The following CD8B2 variants were observed in gnomAD, a reference collection of about 807,000 sequenced individuals.
CD8B2 encodes T-cell surface glycoprotein CD8 beta-2 chain.
In CD8B2, 11 loss-of-function variants were observed where a neutral mutation model predicts 23.7. The observed-to-expected ratio is 0.46, with a 90% CI of 0.29 to 0.77. The LOEUF is 0.77. Ranked by LOEUF, CD8B2 falls within the 30% of genes least tolerant of loss-of-function variation. CD8B2 has a pLI of 0.09. For missense variants in CD8B2, 197 were observed against 270.5 expected (o/e 0.73, Z 1.91); for synonymous variants, 90 against 109.3 (o/e 0.82, Z 1.10).
downstream of CD8B2, among the ~76,000 whole-genome samples, chr2:106,513,981 C>T (rs7595161): frequency 0.99 from 148,423 of 150,360 alleles, 73,285 homozygotes; most frequent in South Asian, 1. Flanking sequence ...TTTTGTGGGC[C>T]CTGCTCAAAG....
chr2:106,501,901 C>T (rs1044658798), intron 3 of CD8B2, among the ~76,000 whole-genome samples: 4 of 152,096 alleles, frequency 2.6e-5, no homozygotes, highest in African/African-American at 4.8e-5. Context: ...TAGTAAAAGA[C>T]TCATTACCAG....
chr2:106,491,092 G>A lies in CD8B2; in HGVS notation c.262G>A (p.Glu88Lys). 6.2e-7 allele frequency: 1 copy of A among 1,613,928 alleles called. No individual in the cohort carries two copies. Among genetic ancestry groups the A allele is most frequent in the South Asian group, 1.1e-5 (1 of 91,064 alleles). Residue 88 changes from glutamate (E) to lysine (K), a missense_variant, in exon 2 of 6, where the codon GAG becomes AAG. This residue lies in a region of CD8B2 where 140 missense variants were observed against 164.2 expected (regional missense o/e 0.85). Transcript: ENST00000643224. The part of the protein sequence containing the change: ...GTIHGEEVEQ[E>K]KIAVFRDASR... ...TATCCACGGTGAAGAGGTGGAACAG[G>A]AGAAGATAGCTGTGTTTCGGGATGC...
At chr2:106,501,543 A>G (rs1679404274) in intron 3 of CD8B2, among the ~76,000 whole-genome samples, 1 of 152,104 alleles carries the variant, frequency 6.6e-6, no homozygotes, top group Non-Finnish European at 1.5e-5. Flanking sequence ...TTAGCCAGGC[A>G]TGACGGCGGA....
At chr2:106,496,768 G>A (rs1222611854) in intron 3 of CD8B2, among the ~76,000 whole-genome samples, 5 of 151,754 alleles carry the variant, frequency 3.3e-5, no homozygotes, top group Non-Finnish European at 7.4e-5. Flanking sequence ...GCTTGGGAAA[G>A]AAATGGGGAG....
chr2:106,511,925 G>T (rs1490483557), downstream of CD8B2, among the ~76,000 whole-genome samples: 1 of 152,186 alleles, frequency 6.6e-6, no homozygotes, highest in African/African-American at 2.4e-5. Flanking sequence ...AAGCAGAGGC[G>T]CTGAAAAAGA....
intron 2 of CD8B2, among the ~76,000 whole-genome samples, chr2:106,495,340 G>A (rs1049784256): frequency 6.6e-6 from 1 of 152,050 alleles, no homozygotes; most frequent in Non-Finnish European, 1.5e-5. Flanking sequence ...GGCCCACATG[G>A]TGAAACCCCG....
chr2:106,532,149 G>A (rs372187111), intron 5 of CD8B2, among the ~76,000 whole-genome samples: 8 of 152,250 alleles, frequency 5.3e-5, no homozygotes, highest in South Asian at 2.1e-4. Context: ...AATATTTCCC[G>A]GAGTTTGTAT....
intron 3 of CD8B2, among the ~76,000 whole-genome samples, chr2:106,500,283 C>G (rs1230744730): frequency 2.2e-5 from 3 of 138,308 alleles, no homozygotes; most frequent in African/African-American, 8.0e-5. Context: ...CTTTGGGAGG[C>G]CAAGGCAGGT....
At chr2:106,532,701 T>A (rs1680006393) in intron 5 of CD8B2, among the ~76,000 whole-genome samples, 1 of 152,208 alleles carries the variant, frequency 6.6e-6, no homozygotes, top group Non-Finnish European at 1.5e-5. Context: ...GGCATTGCCA[T>A]GGCATCTGTA....
At chr2:106,519,794 A>T (rs112740678) in intron 5 of CD8B2, among the ~76,000 whole-genome samples, 1 of 152,202 alleles carries the variant, frequency 6.6e-6, no homozygotes, top group Non-Finnish European at 1.5e-5. Flanking sequence ...AAAAGAAAAA[A>T]ATTGCAAAAT....
intron 3 of CD8B2, among the ~76,000 whole-genome samples, chr2:106,497,038 G>T (rs1169831314): frequency 4.6e-5 from 7 of 152,208 alleles, no homozygotes; most frequent in African/African-American, 1.7e-4. Flanking sequence ...ACTTTGGGAG[G>T]CCCAGATGGG....
intron 1 of CD8B2, 149 bp downstream of exon 1, chr2:106,487,618 G>T: frequency 2.4e-6 from 1 of 415,626 alleles, no homozygotes; most frequent in Non-Finnish European, 4.1e-6. Flanking sequence ...TGGCAGGCAG[G>T]GTCCCTAAGG....
chr2:106,541,446 C>T (rs901038500), intron 5 of CD8B2, among the ~76,000 whole-genome samples: 1 of 152,124 alleles, frequency 6.6e-6, no homozygotes, highest in Non-Finnish European at 1.5e-5. Context: ...TATTGGCTGT[C>T]AGAACTTGGG....
intron 5 of CD8B2, among the ~76,000 whole-genome samples, chr2:106,521,023 G>GGAGAGA (rs70953586): frequency 3.2e-4 from 42 of 130,470 alleles, no homozygotes; most frequent in East Asian, 1.8e-3. Flanking sequence ...ATGTTTTAAG[G>GGAGAGA]GAGAGAGAGA....
chr2:106,534,787 T>C (rs1184427489), intron 5 of CD8B2, among the ~76,000 whole-genome samples: 2 of 151,244 alleles, frequency 1.3e-5, no homozygotes, highest in African/African-American at 4.9e-5. Context: ...GAAGAGAATA[T>C]ATATTTTTAA....
At chr2:106,514,600 T>C (rs1258777044), downstream of CD8B2, among the ~76,000 whole-genome samples, 4 of 151,786 alleles carry the variant, frequency 2.6e-5, no homozygotes, top group Non-Finnish European at 5.9e-5. Context: ...AACGTCTGTC[T>C]TATAAATTTT....
intron 5 of CD8B2, among the ~76,000 whole-genome samples, chr2:106,539,241 G>T (rs144265787): frequency 1.8e-4 from 27 of 152,286 alleles, no homozygotes; most frequent in African/African-American, 6.3e-4. Flanking sequence ...GACCTCCTGT[G>T]TCTCTTCACC....
chr2:106,503,791 A>G (rs988644670), intron 4 of CD8B2, among the ~76,000 whole-genome samples: 1 of 152,168 alleles, frequency 6.6e-6, no homozygotes, highest in African/African-American at 2.4e-5. Flanking sequence ...GAAAATCAAA[A>G]GTAATAAAGG....
intron 3 of CD8B2, among the ~76,000 whole-genome samples, 200 bp from the exon 4 acceptor site, chr2:106,502,274 G>A (rs1277416862): frequency 1.7e-5 from 2 of 120,802 alleles, no homozygotes; most frequent in African/African-American, 6.7e-5. Context: ...CGGCCTGGGT[G>A]ACAGAGCAAG....
Sources: gnomAD v4.1 joint callset for allele counts (sites outside exome capture counted in the v4.1 genomes callset) on GRCh38, gnomAD v4.1.1 for gene constraint, gnomAD v4.1.1 regional missense constraint, MANE v1.5 for transcripts, NCBI Gene and HGNC (gene_info 2026-07-23, HGNC 2026-07-21) for gene names.